The following TMEM223 variants were observed in gnomAD, a reference collection of about 807,000 sequenced individuals.
The protein encoded by TMEM223 is transmembrane protein 223.
A neutral mutation model predicts 14.1 loss-of-function variants in TMEM223; 14 were observed. The ratio of observed to expected loss-of-function variants is 0.99; its 90% CI spans 0.66 to 1.55. The LOEUF is 1.55. TMEM223 is among the 40% of genes most tolerant of loss of function. TMEM223 has a pLI of 0.00. For missense variants in TMEM223, 346 were observed against 269.9 expected, an observed-to-expected ratio of 1.28 and a Z score of -1.97; for synonymous variants, 145 against 120.5, an observed-to-expected ratio of 1.20 and a Z score of -1.33.
downstream of TMEM223, chr11:62,789,416 A>G (rs759493398): frequency 1.3e-5 from 21 of 1,613,498 alleles, no homozygotes; most frequent in Admixed American, 1.2e-4. Context: ...CTCCTTGAAC[A>G]CTACAATTAG....
At chr11:62,786,478 C>T, downstream of TMEM223, 2 of 1,581,220 alleles carry the variant, frequency 1.3e-6, no homozygotes, top group Non-Finnish European at 1.7e-6. Flanking sequence ...GCCCAGGTTC[C>T]TCGAATTTTT....
chr11:62,777,659 G>C (rs980438793), intron 1 of TMEM223, among the ~76,000 whole-genome samples: 2 of 152,194 alleles, frequency 1.3e-5, no homozygotes, highest in African/African-American at 4.8e-5. Flanking sequence ...AGAGAGGAAG[G>C]CTATGTTTAG....
downstream of TMEM223, chr11:62,786,391 G>T: frequency 1.2e-6 from 2 of 1,613,236 alleles, no homozygotes; most frequent in South Asian, 1.1e-5. Context: ...CCATTCTGGT[G>T]AGTACCGTCC....
chr11:62,777,605 G>C (rs1441733817), intron 1 of TMEM223, among the ~76,000 whole-genome samples: 3 of 152,184 alleles, frequency 2.0e-5, no homozygotes, highest in Non-Finnish European at 4.4e-5. Context: ...CAACAGTGTG[G>C]GTGTTAGGGC....
At chr11:62,787,373 A>G (rs956809768), downstream of TMEM223, 1 of 1,547,402 alleles carries the variant, frequency 6.5e-7, no homozygotes. Context: ...GTCGCGCCGG[A>G]TAAGGTGGGC....
chr11:62,777,767 C>T (rs2084197693), intron 1 of TMEM223, among the ~76,000 whole-genome samples: 1 of 152,160 alleles, frequency 6.6e-6, no homozygotes, highest in African/African-American at 2.4e-5. Flanking sequence ...GAGGAGCGAC[C>T]ATGTTCTTTC....
At chr11:62,782,685 T>C (rs1046583152), downstream of TMEM223, 1 of 1,611,364 alleles carries the variant, frequency 6.2e-7, no homozygotes, top group Non-Finnish European at 8.5e-7. Flanking sequence ...TGAATGGTGC[T>C]CCCACAGGAC....
downstream of TMEM223, chr11:62,789,385 GTC>G (rs776452583): frequency 9.9e-6 from 16 of 1,613,878 alleles, no homozygotes; most frequent in African/African-American, 8.0e-5. Flanking sequence ...TTGGCACCAG[GTC>G]TCTCTGCAAC....
intron 1 of TMEM223, chr11:62,775,825 G>A: frequency 1.2e-6 from 2 of 1,612,948 alleles, no homozygotes; most frequent in Non-Finnish European, 1.7e-6. Flanking sequence ...AGATCCCTCG[G>A]GAGTCTGTCC....
chr11:62,782,348 T>C, intron 1 of TMEM223: 1 of 1,610,972 alleles, frequency 6.2e-7, no homozygotes, highest in Non-Finnish European at 8.5e-7. Context: ...CCACTGGGCC[T>C]AAACCTGCGG....
chr11:62,789,216 T>A (rs2084328740), downstream of TMEM223: 1 of 1,613,900 alleles, frequency 6.2e-7, no homozygotes, highest in Non-Finnish European at 8.5e-7. Context: ...CACAGGTGAC[T>A]GCCTAACCCT....
Position 62,790,431 on chromosome 11 carries a change from GTTTT to G in TMEM223, c.*188_*191del, listed in dbSNP as rs75388959. On this transcript the variant is annotated 3_prime_UTR_variant, in exon 2 of 2. Coordinates refer to ENST00000307366, the MANE Select transcript of TMEM223 (RefSeq NM_001080501.3). The stretch of plus-strand genomic sequence containing the variant: ...GTTGTTACTCCATTCTAAGATTGGC[GTTTT>G]TTTTTGTTTTTTTTTTTGTAAATAG... 1.8e-6 allele frequency: 1 copy of G among 566,142 alleles called. No individual in the cohort carries two copies. 35.1% of individuals were successfully genotyped at this position (566,142 alleles called of 1,614,324 possible).
In TMEM223 at chr11:62,790,105, C is replaced by G. The variant is rs895343499; in HGVS notation, c.*518G>C. ...CTCCATGCCCAAGTGCCTGTAATCC[C>G]CCCCCTCAAGGCCCTGTTTATGTTG... On this transcript the variant is annotated 3_prime_UTR_variant, in exon 2 of 2. Coordinates refer to ENST00000307366, the MANE Select transcript of TMEM223 (RefSeq NM_001080501.3). 3 of 1,507,714 alleles carry G rather than the reference C, an allele frequency of 2.0e-6. No homozygotes were observed. The highest frequency in any genetic ancestry group is 1.4e-5 in the African/African-American group (1 of 71,780). 93.4% of individuals were successfully genotyped at this position (1,507,714 alleles called of 1,614,324 possible). A position where few individuals can be genotyped will look rare whatever the true frequency, so the allele number is the denominator to read the frequency against.
chr11:62,774,451 T>G (rs1194059567), intron 2 of TMEM223: 3 of 390,836 alleles, frequency 7.7e-6, no homozygotes, highest in African/African-American at 6.2e-5. Flanking sequence ...TAGCTGTCCA[T>G]TGGATGTAGG....
chr11:62,787,283 A>T (rs772078339), downstream of TMEM223: 17 of 1,546,722 alleles, frequency 1.1e-5, no homozygotes, highest in Non-Finnish European at 1.4e-5. Flanking sequence ...TACTCGCTGT[A>T]CTTGCCGCTC....
downstream of TMEM223, chr11:62,782,820 T>C: frequency 6.2e-7 from 1 of 1,614,054 alleles, no homozygotes; most frequent in Non-Finnish European, 8.5e-7. Context: ...TGCTCTTGGC[T>C]GGAAGGTGAG....
intron 2 of TMEM223, among the ~76,000 whole-genome samples, chr11:62,773,034 G>A (rs2084160893): frequency 6.6e-6 from 1 of 150,472 alleles, no homozygotes; most frequent in South Asian, 2.1e-4. Context: ...GTAGAGACAG[G>A]GTTTCACCGT....
chr11:62,771,138 T>C (rs536182133), downstream of TMEM223: 1 of 152,394 alleles, frequency 6.6e-6, no homozygotes, highest in East Asian at 1.9e-4. Context: ...AGACTGTTTA[T>C]TTCCTCGTTA....
downstream of TMEM223, chr11:62,786,296 T>C: frequency 1.2e-6 from 2 of 1,614,170 alleles, no homozygotes; most frequent in Non-Finnish European, 8.5e-7. Context: ...CCTGTCCACC[T>C]ACTGGACAAA....
Sources: gnomAD v4.1 joint callset for allele counts (sites outside exome capture counted in the v4.1 genomes callset) on GRCh38, gnomAD v4.1.1 for gene constraint, MANE v1.5 for transcripts, NCBI Gene and HGNC (gene_info 2026-07-23, HGNC 2026-07-21) for gene names.